The following SYT16 variants were observed in gnomAD, a reference collection of about 807,000 sequenced individuals.
SYT16 encodes synaptotagmin-16.
In SYT16, 42 loss-of-function variants were observed where a neutral mutation model predicts 61.4. That is an observed-to-expected ratio of 0.68 (90% CI 0.53 to 0.89). The LOEUF (loss-of-function observed/expected upper bound fraction) is 0.89, where lower values mean the gene tolerates loss of function less well. Ranked by LOEUF, SYT16 falls within the 40% of genes least tolerant of loss-of-function variation. The pLI, the probability that SYT16 is intolerant of heterozygous loss-of-function variation, is 0.00. For synonymous variants in SYT16, 314 were observed against 302.3 expected (o/e 1.04, Z -0.40); for missense variants, 804 against 807.3 (o/e 1.00, Z 0.05).
intron 1 of SYT16, among the ~76,000 whole-genome samples, chr14:61,941,747 G>A (rs1345815558): frequency 6.6e-6 from 1 of 152,046 alleles, no homozygotes; most frequent in African/African-American, 2.4e-5. Context: ...AAACCCCATC[G>A]CTATGACCAT....
At chr14:61,932,084 C>T (rs998646454) in intron 1 of SYT16, among the ~76,000 whole-genome samples, 9 of 152,238 alleles carry the variant, frequency 5.9e-5, no homozygotes, top group Admixed American at 5.9e-4. Context: ...GAACTGGACA[C>T]TGCTTTAACC....
chr14:61,991,534 C>T (rs2052550143), intron 2 of SYT16, among the ~76,000 whole-genome samples: 1 of 152,134 alleles, frequency 6.6e-6, no homozygotes, highest in African/African-American at 2.4e-5. Flanking sequence ...CAGTGCTGGG[C>T]CTCTTTGGCT....
At chr14:61,906,787 GTCCATCCA>G (rs60022651) in intron 1 of SYT16, among the ~76,000 whole-genome samples, 5,122 of 142,408 alleles carry the variant, frequency 0.036, 135 homozygotes, top group Non-Finnish European at 0.057. Context: ...CCGTCCGTCC[GTCCATCCA>G]TCCATCCATC....
chr14:62,033,363 C>T (rs2054380230), intron 3 of SYT16, among the ~76,000 whole-genome samples: 1 of 151,948 alleles, frequency 6.6e-6, no homozygotes, highest in Non-Finnish European at 1.5e-5. Context: ...GGATATCTTT[C>T]CTCCCCGGCC....
At chr14:62,033,141 T>C (rs1051292970) in intron 3 of SYT16, among the ~76,000 whole-genome samples, 23 of 152,130 alleles carry the variant, frequency 1.5e-4, no homozygotes, top group Admixed American at 1.2e-3. Context: ...TTGTATTTGA[T>C]TTTAAATATT....
chr14:61,958,667 T>C (rs990256095), intron 1 of SYT16, among the ~76,000 whole-genome samples: 1 of 152,106 alleles, frequency 6.6e-6, no homozygotes, highest in African/African-American at 2.4e-5. Flanking sequence ...TTTTGTGACC[T>C]AGCATGTTAT....
intron 1 of SYT16, among the ~76,000 whole-genome samples, chr14:61,859,756 C>T (rs2046909684): frequency 6.6e-6 from 1 of 152,080 alleles, no homozygotes; most frequent in South Asian, 2.1e-4. Context: ...ATGAAGGCAT[C>T]TGGGAAGTGT....
At chr14:61,903,577 G>T (rs2048597258) in intron 1 of SYT16, among the ~76,000 whole-genome samples, 1 of 152,182 alleles carries the variant, frequency 6.6e-6, no homozygotes, top group Non-Finnish European at 1.5e-5. Flanking sequence ...TGCCTGTTTG[G>T]TTGACTAATA....
intron 1 of SYT16, among the ~76,000 whole-genome samples, chr14:61,943,227 G>A (rs1359803214): frequency 2.0e-5 from 3 of 152,194 alleles, no homozygotes; most frequent in African/African-American, 7.2e-5. Context: ...TTCTGAAATT[G>A]AGGTAGTAAT....
At chr14:62,067,885 C>T (rs958400364) in intron 3 of SYT16, among the ~76,000 whole-genome samples, 3 of 152,156 alleles carry the variant, frequency 2.0e-5, no homozygotes, top group Non-Finnish European at 4.4e-5. Flanking sequence ...ACTCTGGTGG[C>T]TGAGGCACGA....
chr14:62,011,868 T>TGTACACAC (rs1555370021), intron 3 of SYT16, among the ~76,000 whole-genome samples: 2 of 62,140 alleles, frequency 3.2e-5, no homozygotes, highest in Admixed American at 2.0e-4. Flanking sequence ...CAGGGAACAC[T>TGTACACAC]ATATATACAC....
intron 1 of SYT16, among the ~76,000 whole-genome samples, chr14:61,952,452 A>C (rs2050710376): frequency 6.6e-6 from 1 of 152,170 alleles, no homozygotes; most frequent in Admixed American, 6.5e-5. Context: ...GCTGCTTCTG[A>C]GCCTACATCT....
At chr14:61,912,351 G>A (rs1348676844) in intron 1 of SYT16, among the ~76,000 whole-genome samples, 2 of 152,176 alleles carry the variant, frequency 1.3e-5, no homozygotes, top group African/African-American at 2.4e-5. Flanking sequence ...CTCTGACAGC[G>A]TTTCACACAA....
In SYT16 at chr14:61,865,988, A is replaced by G. The variant is rs1180625779; in HGVS notation, c.-325+53178A>G. On this transcript the variant is annotated intron_variant, in intron 1 of 7. Coordinates refer to ENST00000683842, the MANE Select transcript of SYT16 (RefSeq NM_001367656.1). ...TTTACTTAAGAAATTATTGGATCTT[A>G]TTAATATTTCAGATGATAGAATACA... 2.0e-5 allele frequency among the ~76,000 whole-genome samples: 3 copies of G among 152,320 alleles called. No individual in the cohort carries two copies. In the East Asian group the frequency reaches 5.8e-4, roughly 29 times the overall value.
chr14:61,855,943 CAT>C (rs1206496420), intron 1 of SYT16, among the ~76,000 whole-genome samples: 1 of 152,166 alleles, frequency 6.6e-6, no homozygotes, highest in Non-Finnish European at 1.5e-5. Context: ...TTAAAATTAA[CAT>C]GTGAATTTTA....
At position 62,075,351 on chromosome 14, in the gene SYT16, A is replaced by T. The variant is rs745862128; in HGVS notation, c.953A>T (p.Asp318Val). Residue 318 changes from aspartate (D) to valine (V), a missense_variant, in exon 5 of 8, where the codon GAT becomes GTT. Transcript: ENST00000683842. ...ETAFNSRGFEDSYATDSSSMW... is the reference protein window; with the variant it reads ...ETAFNSRGFEVSYATDSSSMW... ...GCTTTTAATAGCCGGGGATTTGAAG[A>T]TTCCTATGCCACTGACAGCTCCTCC... The T allele has an allele frequency of 1.9e-6, 3 of 1,613,730 alleles. No homozygotes were observed. The highest frequency in any genetic ancestry group is 1.7e-5 in the Admixed American group (1 of 60,004).
At chr14:61,943,010 G>A (rs2140454743) in intron 1 of SYT16, among the ~76,000 whole-genome samples, 1 of 152,132 alleles carries the variant, frequency 6.6e-6, no homozygotes, top group African/African-American at 2.4e-5. Flanking sequence ...AGAAAAGAGA[G>A]AAGAATCAAA....
intron 2 of SYT16, among the ~76,000 whole-genome samples, chr14:61,975,124 A>G (rs2051730718): frequency 6.6e-6 from 1 of 152,264 alleles, no homozygotes; most frequent in Admixed American, 6.5e-5. Context: ...TTAATTCCAG[A>G]TAAACCCATC....
intron 1 of SYT16, among the ~76,000 whole-genome samples, chr14:61,963,050 C>T (rs910186523): frequency 1.3e-5 from 2 of 152,026 alleles, no homozygotes; most frequent in East Asian, 1.9e-4. Flanking sequence ...ATAACTTAAT[C>T]GATAAATATT....
Sources: gnomAD v4.1 joint callset for allele counts (sites outside exome capture counted in the v4.1 genomes callset) on GRCh38, gnomAD v4.1.1 for gene constraint, MANE v1.5 for transcripts, NCBI Gene and HGNC (gene_info 2026-07-23, HGNC 2026-07-21) for gene names.